Variants in TENM2 observed in about 807,000 individuals in gnomAD.
The protein encoded by TENM2 is teneurin-2.
A neutral mutation model predicts 245.2 loss-of-function variants in TENM2; 52 were observed. That is an observed-to-expected ratio of 0.21 (90% CI 0.17 to 0.27). TENM2 has a LOEUF of 0.27. Ranked by LOEUF, TENM2 falls within the 10% of genes least tolerant of loss-of-function variation. The pLI, the probability that TENM2 is intolerant of heterozygous loss-of-function variation, is 1.00. For missense variants in TENM2, 3,046 were observed against 3,666.8 expected, an observed-to-expected ratio of 0.83 and a Z score of 4.37; for synonymous variants, 1,363 against 1,438.9, an observed-to-expected ratio of 0.95 and a Z score of 1.19.
chr5:167,387,571 A>T (rs1356378655), intron 2 of TENM2, among the ~76,000 whole-genome samples: 1 of 151,994 alleles, frequency 6.6e-6, no homozygotes, highest in Non-Finnish European at 1.5e-5. Flanking sequence ...AGGAGTGGTG[A>T]GAGTGGCAAT....
At chr5:167,226,899 C>T in the TENM2 span, among the ~76,000 whole-genome samples, 18 of 151,656 alleles carry the variant, frequency 1.2e-4, no homozygotes, top group Non-Finnish European at 2.1e-4. Flanking sequence ...TTATTAGATC[C>T]TCTTGCTGGA....
At chr5:168,112,319 C>T (rs935283513) in intron 9 of TENM2, among the ~76,000 whole-genome samples, 2 of 151,952 alleles carry the variant, frequency 1.3e-5, no homozygotes, top group Non-Finnish European at 2.9e-5. Flanking sequence ...TATTCCATCA[C>T]TCAGGTATTA....
chr5:166,979,200 G>GCAGCAGCAGCAGCAGCACCACCAC, the TENM2 span, among the ~76,000 whole-genome samples: 22 of 61,452 alleles, frequency 3.6e-4, no homozygotes, highest in South Asian at 8.5e-3. Flanking sequence ...ACCACCAGCA[G>GCAGCAGCAGCAGCAGCACCACCAC]CAGCAGCAGC....
intron 2 of TENM2, among the ~76,000 whole-genome samples, chr5:167,827,634 G>GGGT (rs1554126514): frequency 1.7e-5 from 2 of 114,814 alleles, no homozygotes; most frequent in Non-Finnish European, 3.6e-5. Context: ...TGGGCGGGGG[G>GGGT]GGGGGAACAG....
intron 12 of TENM2, among the ~76,000 whole-genome samples, chr5:168,158,393 C>T (rs538193091): frequency 6.4e-4 from 98 of 152,130 alleles, no homozygotes; most frequent in Admixed American, 2.6e-3. Context: ...AGATATAGTA[C>T]GCCCCGATTG....
intron 2 of TENM2, among the ~76,000 whole-genome samples, chr5:167,560,021 G>A (rs1431244094): frequency 6.6e-6 from 1 of 151,950 alleles, no homozygotes; most frequent in Non-Finnish European, 1.5e-5. Flanking sequence ...TGCTTCCTTG[G>A]CATCTCAGAT....
intron 2 of TENM2, among the ~76,000 whole-genome samples, chr5:167,489,435 A>G (rs913410562): frequency 2.0e-5 from 3 of 152,138 alleles, no homozygotes; most frequent in Non-Finnish European, 4.4e-5. Context: ...GAAAGCCACA[A>G]GGTTCACTCC....
chr5:167,845,285 C>T (rs543537107), intron 2 of TENM2, among the ~76,000 whole-genome samples: 185 of 148,038 alleles, frequency 1.2e-3, no homozygotes, highest in African/African-American at 1.5e-3. Flanking sequence ...ACACACAACA[C>T]GGCCCCACTC....
chr5:167,323,606 AAAATTGAG>A (rs1163071374), intron 1 of TENM2, among the ~76,000 whole-genome samples: 1 of 152,156 alleles, frequency 6.6e-6, no homozygotes, highest in Non-Finnish European at 1.5e-5. Context: ...AAGAAGTCAA[AAAATTGAG>A]AAGAGTAGAA....
At chr5:167,275,822 A>T in the TENM2 span, among the ~76,000 whole-genome samples, 7 of 151,950 alleles carry the variant, frequency 4.6e-5, no homozygotes, top group African/African-American at 1.7e-4. Context: ...AGTTTTATGT[A>T]TTTCTTTCTG....
At chr5:167,280,734 CT>C (rs957026025), upstream of TENM2, among the ~76,000 whole-genome samples, 1 of 144,912 alleles carries the variant, frequency 6.9e-6, no homozygotes, top group Non-Finnish European at 1.5e-5. Context: ...ATATCTATAT[CT>C]ATCTGTCTGT....
the TENM2 span, among the ~76,000 whole-genome samples, chr5:167,011,725 T>C: frequency 6.6e-6 from 1 of 152,236 alleles, no homozygotes; most frequent in Admixed American, 6.5e-5. Context: ...CCCCTCTATT[T>C]AGGAATTGAG....
chr5:167,658,342 G>A (rs1212050738), intron 2 of TENM2, among the ~76,000 whole-genome samples: 1 of 151,926 alleles, frequency 6.6e-6, no homozygotes. Flanking sequence ...CCAAGTAGCT[G>A]GCGTTACAGG....
At chr5:167,162,947 T>C in the TENM2 span, among the ~76,000 whole-genome samples, 2 of 152,120 alleles carry the variant, frequency 1.3e-5, no homozygotes, top group African/African-American at 4.8e-5. Flanking sequence ...ATTGAATGGG[T>C]AGAATGTGCT....
intron 2 of TENM2, among the ~76,000 whole-genome samples, chr5:167,716,728 G>A (rs1759283426): frequency 6.6e-6 from 1 of 152,070 alleles, no homozygotes; most frequent in Non-Finnish European, 1.5e-5. Context: ...TGGTATTTGG[G>A]AGCTGGGTAA....
intron 2 of TENM2, among the ~76,000 whole-genome samples, chr5:167,376,568 G>A (rs1040428093): frequency 6.6e-6 from 1 of 152,094 alleles, no homozygotes; most frequent in African/African-American, 2.4e-5. Flanking sequence ...TGGGTAAGTC[G>A]CACATACTCA....
chr5:168,025,978 G>C (rs990985046), intron 5 of TENM2, among the ~76,000 whole-genome samples: 1 of 152,164 alleles, frequency 6.6e-6, no homozygotes, highest in Non-Finnish European at 1.5e-5. Flanking sequence ...GCTCACTTGC[G>C]ATGGGGAACT....
intron 3 of TENM2, among the ~76,000 whole-genome samples, chr5:167,940,797 G>C (rs912801520): frequency 6.6e-6 from 1 of 152,184 alleles, no homozygotes; most frequent in Non-Finnish European, 1.5e-5. Context: ...CTTTGTTCTT[G>C]CTTTTTCCTC....
At chr5:167,943,680 A>G (rs573944492) in intron 3 of TENM2, among the ~76,000 whole-genome samples, 1 of 152,222 alleles carries the variant, frequency 6.6e-6, no homozygotes, top group Non-Finnish European at 1.5e-5. Flanking sequence ...TGCTGCTCAC[A>G]TAACAGAAAG....
Sources: gnomAD v4.1 joint callset for allele counts (sites outside exome capture counted in the v4.1 genomes callset) on GRCh38, gnomAD v4.1.1 for gene constraint, MANE v1.5 for transcripts, NCBI Gene and HGNC (gene_info 2026-07-23, HGNC 2026-07-21) for gene names.